The following DOK6 variants were observed in gnomAD, a reference collection of about 807,000 sequenced individuals.
The protein encoded by DOK6 is downstream of tyrosine kinase 6.
DOK6 carries 22 observed loss-of-function variants against 44.0 expected under a neutral mutation model. The ratio of observed to expected loss-of-function variants is 0.50; its 90% confidence interval spans 0.36 to 0.71. The LOEUF is 0.71. DOK6 is among the 30% of genes least tolerant of loss of function. The pLI, the probability that DOK6 is intolerant of heterozygous loss-of-function variation, is 0.00. For synonymous variants in DOK6, 166 were observed against 145.5 expected (o/e 1.14, Z -1.01); for missense variants, 340 against 416.4 (o/e 0.82, Z 1.60).
At chr18:69,808,462 G>A (rs2145112958) in intron 7 of DOK6, among the ~76,000 whole-genome samples, 1 of 151,726 alleles carries the variant, frequency 6.6e-6, no homozygotes, top group Admixed American at 6.6e-5. Flanking sequence ...TTAGAGACAA[G>A]AAAAACAATA....
At chr18:69,465,291 T>C (rs534930481) in intron 1 of DOK6, among the ~76,000 whole-genome samples, 75 of 152,204 alleles carry the variant, frequency 4.9e-4, no homozygotes, top group African/African-American at 1.7e-3. Context: ...GATAGAACTA[T>C]ATAAAATAAA....
intron 7 of DOK6, among the ~76,000 whole-genome samples, chr18:69,805,745 G>A (rs555728625): frequency 6.6e-6 from 1 of 152,186 alleles, no homozygotes; most frequent in African/African-American, 2.4e-5. Flanking sequence ...TTTGAGAACT[G>A]TCAATTAACA....
intron 1 of DOK6, among the ~76,000 whole-genome samples, chr18:69,477,339 G>A (rs1306435126): frequency 6.6e-6 from 1 of 152,184 alleles, no homozygotes; most frequent in African/African-American, 2.4e-5. Flanking sequence ...GTAGTAGGGT[G>A]TACCTGGGAG....
At chr18:69,636,835 G>A (rs1599234213) in intron 3 of DOK6, among the ~76,000 whole-genome samples, 1 of 152,292 alleles carries the variant, frequency 6.6e-6, no homozygotes, top group Admixed American at 6.5e-5. Flanking sequence ...TGCAAAGGAA[G>A]TCTGGTTCAA....
At chr18:69,484,769 C>T (rs1980527194) in intron 1 of DOK6, among the ~76,000 whole-genome samples, 1 of 152,108 alleles carries the variant, frequency 6.6e-6, no homozygotes, top group South Asian at 2.1e-4. Flanking sequence ...TTAAGGTGCA[C>T]CACAGCCTTC....
intron 1 of DOK6, among the ~76,000 whole-genome samples, chr18:69,544,636 A>G (rs1982354034): frequency 6.6e-6 from 1 of 151,502 alleles, no homozygotes. Context: ...ATACAGTTAG[A>G]ACCTTCAGGA....
chr18:69,799,140 A>G (rs549674728), intron 7 of DOK6, among the ~76,000 whole-genome samples: 1 of 152,206 alleles, frequency 6.6e-6, no homozygotes, highest in South Asian at 2.1e-4. Flanking sequence ...CATTACTATT[A>G]TTACTAGTAT....
intron 1 of DOK6, among the ~76,000 whole-genome samples, chr18:69,550,544 A>C (rs1982534857): frequency 1.3e-5 from 2 of 152,194 alleles, no homozygotes; most frequent in South Asian, 4.1e-4. Flanking sequence ...AATCATTTAC[A>C]CATGGAACCT....
chr18:69,501,574 GGA>G (rs1272210978), intron 1 of DOK6, among the ~76,000 whole-genome samples: 1 of 152,046 alleles, frequency 6.6e-6, no homozygotes, highest in Non-Finnish European at 1.5e-5. Flanking sequence ...GTGGGTCAGG[GGA>G]GTGGTGTTTA....
At chr18:69,566,722 A>G (rs1343770372) in intron 2 of DOK6, among the ~76,000 whole-genome samples, 1 of 152,250 alleles carries the variant, frequency 6.6e-6, no homozygotes, top group Non-Finnish European at 1.5e-5. Flanking sequence ...TCAATTCAAT[A>G]TAGCAAGTAC....
At chr18:69,429,616 GATACATAT>G (rs1252585981) in intron 1 of DOK6, among the ~76,000 whole-genome samples, 90 of 78,148 alleles carry the variant, frequency 1.2e-3, no homozygotes, top group East Asian at 2.6e-3. Context: ...AATATTGAGG[GATACATAT>G]ATATATATAT....
chr18:69,568,763 G>A (rs1327317875), intron 2 of DOK6, among the ~76,000 whole-genome samples: 1 of 152,054 alleles, frequency 6.6e-6, no homozygotes, highest in East Asian at 1.9e-4. Context: ...ATCGGTGGCA[G>A]CATTACATTC....
At chr18:69,678,474 A>C (rs1261071634) in intron 4 of DOK6, among the ~76,000 whole-genome samples, 1 of 152,148 alleles carries the variant, frequency 6.6e-6, no homozygotes, top group African/African-American at 2.4e-5. Context: ...ATAGATTTAG[A>C]GTCTATATTA....
chr18:69,679,329 T>C (rs532513531), intron 4 of DOK6, among the ~76,000 whole-genome samples: 217 of 152,284 alleles, frequency 1.4e-3, no homozygotes, highest in African/African-American at 5.0e-3. Flanking sequence ...TGGCCCATTG[T>C]AGCACTATTT....
intron 5 of DOK6, among the ~76,000 whole-genome samples, chr18:69,723,448 C>G (rs971802992): frequency 6.6e-6 from 1 of 152,164 alleles, no homozygotes; most frequent in Non-Finnish European, 1.5e-5. Context: ...GGCAAACTCT[C>G]TGATGGGGAC....
chr18:69,739,383 CA>C (rs893458365), intron 6 of DOK6, among the ~76,000 whole-genome samples: 1 of 152,196 alleles, frequency 6.6e-6, no homozygotes, highest in African/African-American at 2.4e-5. Context: ...AAATAAGAAG[CA>C]ATGCTGTCTG....
chr18:69,424,890 T>C (rs1325807614), intron 1 of DOK6, among the ~76,000 whole-genome samples: 1 of 152,158 alleles, frequency 6.6e-6, no homozygotes. Context: ...ACATGTATCT[T>C]CAATATTGTG....
intron 3 of DOK6, among the ~76,000 whole-genome samples, chr18:69,672,485 A>C (rs995119365): frequency 3.9e-5 from 6 of 152,168 alleles, no homozygotes; most frequent in African/African-American, 1.4e-4. Context: ...CAGACTCCCG[A>C]GTAGCTGGGA....
chr18:69,824,343 CA>C (rs1177628416), intron 7 of DOK6, among the ~76,000 whole-genome samples: 17 of 78,284 alleles, frequency 2.2e-4, no homozygotes, highest in Non-Finnish European at 2.3e-4. Flanking sequence ...ATGGTTTTTA[CA>C]AAAAAAAAAA....
Sources: gnomAD v4.1 joint callset for allele counts (sites outside exome capture counted in the v4.1 genomes callset) on GRCh38, gnomAD v4.1.1 for gene constraint, MANE v1.5 for transcripts, NCBI Gene and HGNC (gene_info 2026-07-23, HGNC 2026-07-21) for gene names.